Variants in LAMP3 observed in about 807,000 individuals in gnomAD.
LAMP3 encodes the protein lysosome associated membrane protein 3.
A neutral mutation model predicts 34.8 loss-of-function variants in LAMP3; 26 were observed. The ratio of observed to expected loss-of-function variants is 0.75; its 90% confidence interval spans 0.55 to 1.04. LAMP3 has a LOEUF of 1.04. LAMP3 is among the 50% of genes least tolerant of loss of function. The pLI is 0.00. For missense variants in LAMP3, 495 were observed against 524.0 expected, an observed-to-expected ratio of 0.94 and a Z score of 0.54; for synonymous variants, 180 against 201.9, an observed-to-expected ratio of 0.89 and a Z score of 0.92.
intron 4 of LAMP3, 140 bp from the exon 5 acceptor site, chr3:183,136,027 A>G (rs1720077493): frequency 4.3e-6 from 3 of 694,350 alleles, no homozygotes; most frequent in South Asian, 3.5e-5. Flanking sequence ...CCTTCTCCCC[A>G]TGAAAAAACA....
intron 3 of LAMP3, among the ~76,000 whole-genome samples, chr3:183,148,886 T>A (rs1266391838): frequency 1.3e-5 from 2 of 152,156 alleles, no homozygotes; most frequent in African/African-American, 2.4e-5. Context: ...AGCGATCTGC[T>A]CTCCCACATC....
chr3:183,137,867 T>A (rs2108600124), intron 4 of LAMP3, among the ~76,000 whole-genome samples: 1 of 151,552 alleles, frequency 6.6e-6, no homozygotes, highest in Middle Eastern at 3.4e-3. Flanking sequence ...TCACCCAGGC[T>A]GGAGTGCAGT....
In LAMP3 at chr3:183,153,830, G is replaced by A. The variant is rs755635197; in HGVS notation, c.611C>T (p.Thr204Ile). 6.2e-7 allele frequency: 1 copy of A among 1,606,050 alleles called. No individual in the cohort carries two copies. Among genetic ancestry groups the A allele is most frequent in the Non-Finnish European group, 8.5e-7 (1 of 1,175,540 alleles). The change falls in exon 2 of 6, where the codon ACA becomes ATA. Residue 204 changes from threonine (T) to isoleucine (I), a missense_variant. Transcript: ENST00000265598. ...TTAAAHNTTR[T>I]AAPASTVPGP... ...AGGAACCGTGGAGGCAGGTGCAGCT[G>A]TGCGGGTGGTATTGTGGGCAGCTGC...
At chr3:183,139,153 G>T (rs1274611888) in intron 4 of LAMP3, among the ~76,000 whole-genome samples, 2 of 152,126 alleles carry the variant, frequency 1.3e-5, no homozygotes, top group African/African-American at 4.8e-5. Flanking sequence ...ACTTTGGGAG[G>T]CCAAGGTGCG....
At chr3:183,130,985 C>T (rs1719903029) in intron 5 of LAMP3, among the ~76,000 whole-genome samples, 1 of 152,192 alleles carries the variant, frequency 6.6e-6, no homozygotes, top group Admixed American at 6.5e-5. Flanking sequence ...CTGCTCTCCA[C>T]CTGGAAAGTG....
chr3:183,125,261 T>C (rs538510453), intron 5 of LAMP3, among the ~76,000 whole-genome samples: 74 of 152,208 alleles, frequency 4.9e-4, no homozygotes, highest in Admixed American at 9.8e-4. Context: ...GAGGTCATTG[T>C]ACGAACTAAC....
Position 183,144,604 on chromosome 3 carries a change from T to C in LAMP3, c.889-4009A>G, listed in dbSNP as rs73180934. Among the ~76,000 whole-genome samples, 1,097 of 152,270 alleles carry C rather than the reference T, an allele frequency of 7.2e-3. 14 individuals are homozygous for C. Among genetic ancestry groups the C allele is most frequent in the Non-Finnish European group, 0.012 (845 of 68,014 alleles). ...TACAGATCACTTGGGGAGTTCTAAG[T>C]GTGCACTGTGAGGGTGTCAACACTT... On this transcript the variant is annotated intron_variant, in intron 3 of 5. Transcript: ENST00000265598.
intron 1 of LAMP3, 40 bp from the exon 2 acceptor site, chr3:183,154,431 A>G: frequency 6.9e-7 from 1 of 1,453,702 alleles, no homozygotes; most frequent in African/African-American, 1.4e-5. Context: ...ACACTAACCG[A>G]TTGCTTACAA....
chr3:183,153,162 G>A (rs1720704683), intron 2 of LAMP3, among the ~76,000 whole-genome samples: 3 of 132,670 alleles, frequency 2.3e-5, no homozygotes, highest in South Asian at 4.9e-4. Flanking sequence ...GCAACAGAGC[G>A]AGACTCCGTC....
Position 183,123,418 on chromosome 3 carries a change from G to A in LAMP3, c.*663C>T, listed in dbSNP as rs1489788961. 1 of 152,462 alleles carries A rather than the reference G, an allele frequency of 6.6e-6. No individual in the cohort carries two copies. Among genetic ancestry groups the A allele is most frequent in the Admixed American group, 6.5e-5 (1 of 15,292 alleles). 9.4% of individuals were successfully genotyped at this position (152,462 alleles called of 1,614,324 possible). ...TAATAAAAATACAAAAATTAGCCAG[G>A]CGTGGTAGTGTGTGCCTGTAATCCC... On this transcript the variant is annotated 3_prime_UTR_variant, in exon 6 of 6. Coordinates refer to ENST00000265598, the MANE Select transcript of LAMP3 (RefSeq NM_014398.4).
chr3:183,144,844 T>G (rs1477893842), intron 3 of LAMP3, among the ~76,000 whole-genome samples: 1 of 152,190 alleles, frequency 6.6e-6, no homozygotes, highest in East Asian at 1.9e-4. Context: ...AGGCTGAGGC[T>G]GCAGTGAGCC....
chr3:183,159,122 G>A (rs761140676), intron 1 of LAMP3, among the ~76,000 whole-genome samples: 2 of 152,102 alleles, frequency 1.3e-5, no homozygotes, highest in Non-Finnish European at 2.9e-5. Flanking sequence ...CAAACTCCTA[G>A]GATTAAGTGA....
intron 2 of LAMP3, 62 bp downstream of exon 2, chr3:183,153,620 G>T: frequency 8.3e-7 from 1 of 1,198,632 alleles, no homozygotes; most frequent in Non-Finnish European, 1.2e-6. Flanking sequence ...CTCATTCCTA[G>T]CAAGGCAACC....
chr3:183,154,555 G>T (rs867855263), intron 1 of LAMP3, among the ~76,000 whole-genome samples, 164 bp from the exon 2 acceptor site: 8 of 152,150 alleles, frequency 5.3e-5, no homozygotes, highest in Admixed American at 2.0e-4. Context: ...CATCACCAAA[G>T]ATTCTACCCC....
chr3:183,131,121 C>T (rs563045652), intron 5 of LAMP3, among the ~76,000 whole-genome samples: 10 of 152,076 alleles, frequency 6.6e-5, no homozygotes, highest in South Asian at 6.2e-4. Context: ...GTACTGGGGT[C>T]GGGGGAATAG....
Position 183,123,018 on chromosome 3 carries a change from AG to A in LAMP3, c.*1062del, listed in dbSNP as rs1192715061. ...TTTACTCATTCACCTATAAGTTGTG[AG>A]AATGAAATGAGATATAGATAAAGTG... On this transcript the variant is annotated 3_prime_UTR_variant, in exon 6 of 6. Coordinates refer to ENST00000265598, the MANE Select transcript of LAMP3 (RefSeq NM_014398.4). 1 of 152,218 alleles carries A rather than the reference AG, an allele frequency of 6.6e-6. No individual in the cohort carries two copies. Among genetic ancestry groups the A allele is most frequent in the Non-Finnish European group, 1.5e-5 (1 of 68,028 alleles). 9.4% of individuals were successfully genotyped at this position (152,218 alleles called of 1,614,324 possible). A position where few individuals can be genotyped will look rare whatever the true frequency, so the allele number is the denominator to read the frequency against.
chr3:183,163,107 A>C (rs961704244), upstream of LAMP3, among the ~76,000 whole-genome samples: 11 of 150,398 alleles, frequency 7.3e-5, no homozygotes, highest in East Asian at 2.0e-3. Flanking sequence ...ACAGGCATGC[A>C]CCACCACACC....
intron 3 of LAMP3, among the ~76,000 whole-genome samples, chr3:183,143,529 C>T (rs915366694): frequency 2.0e-5 from 3 of 152,158 alleles, no homozygotes; most frequent in African/African-American, 7.2e-5. Context: ...ACAAGCTTGA[C>T]TTGACATGAT....
At chr3:183,133,192 C>T (rs548814579) in intron 5 of LAMP3, among the ~76,000 whole-genome samples, 8 of 152,136 alleles carry the variant, frequency 5.3e-5, no homozygotes, top group Non-Finnish European at 1.0e-4. Flanking sequence ...CAGACACATG[C>T]CCAAGAAATG....
Sources: allele counts gnomAD v4.1 joint callset (sites outside exome capture counted in the v4.1 genomes callset), GRCh38; gene constraint gnomAD v4.1.1; transcripts MANE v1.5; gene names NCBI Gene and HGNC (gene_info 2026-07-23, HGNC 2026-07-21).